KIAA1217: variants seen among roughly 807,000 people sequenced by gnomAD.
KIAA1217 encodes the protein KIAA1217, also known as sickle tail protein homolog.
KIAA1217 carries 88 observed loss-of-function variants against 163.9 expected under a neutral mutation model. That is an observed-to-expected ratio of 0.54 (90% CI 0.45 to 0.64). The LOEUF is 0.64. KIAA1217 is among the 30% of genes least tolerant of loss of function. KIAA1217 has a pLI of 0.00. For missense variants in KIAA1217, 2,372 were observed against 2,475.0 expected (o/e 0.96, Z 0.88); for synonymous variants, 903 against 923.1 (o/e 0.98, Z 0.39).
At chr10:24,215,522 A>C (rs1296274061) in intron 1 of KIAA1217, among the ~76,000 whole-genome samples, 1 of 152,208 alleles carries the variant, frequency 6.6e-6, no homozygotes, top group Non-Finnish European at 1.5e-5. Flanking sequence ...CATGTGGATA[A>C]TGAGGAGTTG....
chr10:23,779,196 C>G (rs1044182499), intron 1 of KIAA1217, among the ~76,000 whole-genome samples: 1 of 152,090 alleles, frequency 6.6e-6, no homozygotes, highest in African/African-American at 2.4e-5. Flanking sequence ...AATAGTGGAT[C>G]GCTAGAATTA....
intron 2 of KIAA1217, among the ~76,000 whole-genome samples, chr10:24,299,932 T>C (rs911389587): frequency 6.3e-4 from 96 of 152,236 alleles, no homozygotes; most frequent in African/African-American, 2.2e-3. Flanking sequence ...CTGTGCATGC[T>C]CCATGTCCAG....
At chr10:23,968,043 A>G (rs191519858) in intron 1 of KIAA1217, among the ~76,000 whole-genome samples, 2 of 151,820 alleles carry the variant, frequency 1.3e-5, no homozygotes, top group Admixed American at 1.3e-4. Context: ...GTTTGCTGCA[A>G]CTATCAACCC....
intron 2 of KIAA1217, among the ~76,000 whole-genome samples, chr10:24,333,922 T>C (rs2046002650): frequency 6.6e-6 from 1 of 152,252 alleles, no homozygotes; most frequent in Admixed American, 6.5e-5. Flanking sequence ...TCAGCTGTTC[T>C]ATATTTCTTT....
At chr10:24,082,482 G>A (rs1005210709) in intron 2 of KIAA1217, among the ~76,000 whole-genome samples, 26 of 152,206 alleles carry the variant, frequency 1.7e-4, no homozygotes, top group African/African-American at 6.0e-4. Flanking sequence ...ACTTATAAGT[G>A]AGAACATGCG....
At chr10:24,257,430 T>TG (rs550474015) in intron 2 of KIAA1217, among the ~76,000 whole-genome samples, 45 of 152,272 alleles carry the variant, frequency 3.0e-4, no homozygotes, top group African/African-American at 8.9e-4. Context: ...GGATGAGATG[T>TG]GGGGCCCTTC....
intron 2 of KIAA1217, among the ~76,000 whole-genome samples, chr10:24,248,157 G>A (rs2074038461): frequency 6.6e-6 from 1 of 152,082 alleles, no homozygotes; most frequent in Non-Finnish European, 1.5e-5. Context: ...ACTTCTTGGG[G>A]CATTAGTAGT....
chr10:24,022,707 G>A (rs1847785945), intron 2 of KIAA1217, among the ~76,000 whole-genome samples: 1 of 151,498 alleles, frequency 6.6e-6, no homozygotes, highest in South Asian at 2.1e-4. Context: ...TGTGGAAGGA[G>A]CCAAGATGTC....
chr10:23,800,269 G>A (rs895187457), intron 1 of KIAA1217, among the ~76,000 whole-genome samples: 4 of 152,056 alleles, frequency 2.6e-5, no homozygotes, highest in Admixed American at 6.6e-5. Flanking sequence ...GGATTTGAGG[G>A]GGTTCATAAA....
chr10:23,874,750 A>G (rs1461258648), intron 1 of KIAA1217, among the ~76,000 whole-genome samples: 2 of 152,002 alleles, frequency 1.3e-5, no homozygotes, highest in African/African-American at 4.8e-5. Context: ...AATCTTCACT[A>G]AAGCATCCTG....
Position 24,500,945 on chromosome 10 carries a change from C to CAAAA in KIAA1217, c.1835-431_1835-428dup, listed in dbSNP as rs1335856146. ...AAATAAAAAATAGTAAACAAACAAA[C>CAAAA]AAAAAACCTTATATTGGAAAAGCAC... On this transcript the variant is annotated intron_variant, in intron 8 of 20. Coordinates refer to ENST00000376454, the MANE Select transcript of KIAA1217 (RefSeq NM_019590.5). 4.6e-5 allele frequency among the ~76,000 whole-genome samples: 7 copies of CAAAA among 152,024 alleles called. No individual in the cohort carries two copies. In the East Asian group the frequency reaches 1.4e-3, roughly 29 times the overall value.
chr10:24,209,291 AGT>A (rs2130583844), intron 1 of KIAA1217, 28 bp downstream of exon 1: 1 of 1,564,790 alleles, frequency 6.4e-7, no homozygotes, highest in East Asian at 2.3e-5. Context: ...TCAAAGATGG[AGT>A]TACAGGGACG....
At chr10:24,039,813 GATATAGATATAGAT>G (rs1564628147) in intron 2 of KIAA1217, among the ~76,000 whole-genome samples, 2 of 64,188 alleles carry the variant, frequency 3.1e-5, no homozygotes, top group Non-Finnish European at 1.2e-4. Context: ...TATAGATATA[GATATAGATATAGAT>G]ATAGATATAG....
chr10:24,030,234 C>T (rs908648134), intron 2 of KIAA1217, among the ~76,000 whole-genome samples: 5 of 152,050 alleles, frequency 3.3e-5, no homozygotes, highest in Non-Finnish European at 5.9e-5. Flanking sequence ...GATATAGTTT[C>T]GCTCTGTGTC....
chr10:23,793,992 CTTG>C (rs1455862697), intron 1 of KIAA1217, among the ~76,000 whole-genome samples: 1 of 152,212 alleles, frequency 6.6e-6, no homozygotes, highest in Non-Finnish European at 1.5e-5. Flanking sequence ...CACCCGGATG[CTTG>C]TTAAGAGGAA....
At chr10:23,904,408 G>A (rs1391485134) in intron 1 of KIAA1217, among the ~76,000 whole-genome samples, 1 of 152,128 alleles carries the variant, frequency 6.6e-6, no homozygotes, top group Non-Finnish European at 1.5e-5. Context: ...ACATATATTT[G>A]TCGGGATAGG....
chr10:24,069,426 T>C (rs542097172), intron 2 of KIAA1217, among the ~76,000 whole-genome samples: 1 of 152,314 alleles, frequency 6.6e-6, no homozygotes, highest in South Asian at 2.1e-4. Context: ...CCCAGGTGTC[T>C]GGCATAAGGC....
intron 2 of KIAA1217, among the ~76,000 whole-genome samples, chr10:24,251,014 G>T (rs2074442209): frequency 6.6e-6 from 1 of 151,776 alleles, no homozygotes; most frequent in African/African-American, 2.4e-5. Flanking sequence ...ATCACCTGAG[G>T]TCAGGGGTTT....
At chr10:24,528,490 C>G (rs1218105376) in intron 14 of KIAA1217, among the ~76,000 whole-genome samples, 1 of 151,790 alleles carries the variant, frequency 6.6e-6, no homozygotes, top group Non-Finnish European at 1.5e-5. Context: ...CTGCACATGT[C>G]TAATTTTTTT....
Sources: gnomAD v4.1 joint callset for allele counts (sites outside exome capture counted in the v4.1 genomes callset) on GRCh38, gnomAD v4.1.1 for gene constraint, MANE v1.5 for transcripts, NCBI Gene and HGNC (gene_info 2026-07-23, HGNC 2026-07-21) for gene names.